Variants in SORCS3 observed in about 807,000 individuals in gnomAD.
The protein encoded by SORCS3 is sortilin related VPS10 domain containing receptor 3, also known as VPS10 domain-containing receptor SorCS3.
In SORCS3, 57 loss-of-function variants were observed where a neutral mutation model predicts 146.3. That is an observed-to-expected ratio of 0.39 (90% CI 0.31 to 0.49). The LOEUF is 0.49. Among genes scored for constraint, SORCS3 ranks in the 20% least tolerant of loss-of-function variants. The pLI, the probability that SORCS3 is intolerant of heterozygous loss-of-function variation, is 0.92. For synonymous variants in SORCS3, 653 were observed against 618.5 expected (o/e 1.06, Z -0.83); for missense variants, 1,341 against 1,575.5 (o/e 0.85, Z 2.52).
intron 2 of SORCS3, among the ~76,000 whole-genome samples, chr10:104,865,452 A>T (rs2018448865): frequency 6.6e-6 from 1 of 152,188 alleles, no homozygotes; most frequent in South Asian, 2.1e-4. Context: ...AATTTTAGGG[A>T]TGAAGAAAGT....
At chr10:105,131,583 G>T (rs2056019270) in intron 7 of SORCS3, among the ~76,000 whole-genome samples, 1 of 152,146 alleles carries the variant, frequency 6.6e-6, no homozygotes. Flanking sequence ...TTGGCCGTGG[G>T]TGCATTAGTC....
At chr10:104,846,079 T>C (rs2018200633) in intron 2 of SORCS3, among the ~76,000 whole-genome samples, 1 of 152,186 alleles carries the variant, frequency 6.6e-6, no homozygotes, top group Non-Finnish European at 1.5e-5. Context: ...TTTTCCGTGT[T>C]GACCAATATC....
intron 5 of SORCS3, among the ~76,000 whole-genome samples, chr10:105,088,304 G>A (rs2055676777): frequency 2.0e-5 from 3 of 152,134 alleles, no homozygotes; most frequent in Admixed American, 2.0e-4. Context: ...AGGATAAAAT[G>A]AGGTAAAGAA....
intron 2 of SORCS3, among the ~76,000 whole-genome samples, chr10:104,849,903 C>A (rs1240365381): frequency 6.6e-6 from 1 of 152,160 alleles, no homozygotes; most frequent in Non-Finnish European, 1.5e-5. Flanking sequence ...ATATTCCTGT[C>A]TTCCCCTTTA....
chr10:104,762,912 G>T (rs567895953), intron 1 of SORCS3, among the ~76,000 whole-genome samples: 1 of 152,070 alleles, frequency 6.6e-6, no homozygotes, highest in African/African-American at 2.4e-5. Flanking sequence ...AATACACCTG[G>T]GAGTCTGTGA....
chr10:105,215,154 T>C (rs2056657576), intron 18 of SORCS3, among the ~76,000 whole-genome samples: 1 of 152,372 alleles, frequency 6.6e-6, no homozygotes, highest in Middle Eastern at 3.4e-3. Flanking sequence ...AGATGCTGTA[T>C]TCTTTCACTT....
At chr10:105,165,453 A>G (rs2056304520) in intron 12 of SORCS3, among the ~76,000 whole-genome samples, 2 of 152,124 alleles carry the variant, frequency 1.3e-5, no homozygotes, top group African/African-American at 4.8e-5. Flanking sequence ...GAAGATTGTC[A>G]TCACCACCAT....
intron 1 of SORCS3, among the ~76,000 whole-genome samples, chr10:104,734,530 G>A (rs1326958691): frequency 2.6e-5 from 4 of 152,232 alleles, no homozygotes; most frequent in Non-Finnish European, 4.4e-5. Context: ...AGTACCAAGA[G>A]CACAGACGAC....
chr10:104,830,345 T>C (rs1186032018), intron 1 of SORCS3, among the ~76,000 whole-genome samples: 1 of 152,158 alleles, frequency 6.6e-6, no homozygotes, highest in Non-Finnish European at 1.5e-5. Flanking sequence ...GCAAGGCTGC[T>C]CAAAGATCGG....
intron 1 of SORCS3, among the ~76,000 whole-genome samples, chr10:104,839,872 A>AG (rs2133544669): frequency 6.6e-6 from 1 of 151,984 alleles, no homozygotes; most frequent in East Asian, 1.9e-4. Context: ...TGGACATCTG[A>AG]CCCCCCGGTG....
chr10:105,196,438 T>C (rs1419399218), intron 14 of SORCS3, among the ~76,000 whole-genome samples: 7 of 152,136 alleles, frequency 4.6e-5, no homozygotes. Flanking sequence ...ACACTGTCTC[T>C]ATTAAAAAAG....
chr10:104,889,430 C>T (rs1589537539), intron 2 of SORCS3, among the ~76,000 whole-genome samples: 1 of 146,418 alleles, frequency 6.8e-6, no homozygotes, highest in Admixed American at 6.8e-5. Flanking sequence ...GTTATTTGTT[C>T]CATTTTCCCT....
At chr10:105,084,295 A>G (rs1232912967) in intron 5 of SORCS3, among the ~76,000 whole-genome samples, 2 of 152,184 alleles carry the variant, frequency 1.3e-5, no homozygotes, top group Non-Finnish European at 2.9e-5. Context: ...ATAAACACCA[A>G]ACACAATGCC....
intron 1 of SORCS3, among the ~76,000 whole-genome samples, chr10:104,684,439 C>A (rs775520360): frequency 6.6e-6 from 1 of 152,178 alleles, no homozygotes; most frequent in Non-Finnish European, 1.5e-5. Flanking sequence ...TTAATTCCTC[C>A]AATTTTTCAA....
At chr10:104,983,514 G>A (rs535359203) in intron 4 of SORCS3, among the ~76,000 whole-genome samples, 4 of 152,144 alleles carry the variant, frequency 2.6e-5, no homozygotes, top group Non-Finnish European at 4.4e-5. Flanking sequence ...TAGAAATTCA[G>A]CCATGGCAGT....
At chr10:105,022,287 T>TTTTTC (rs1449256049) in intron 4 of SORCS3, among the ~76,000 whole-genome samples, 4 of 145,572 alleles carry the variant, frequency 2.7e-5, no homozygotes, top group African/African-American at 1.1e-4. Flanking sequence ...TTTCCATTCA[T>TTTTTC]TTTTCTTTTC....
At chr10:104,994,250 A>G (rs922966877) in intron 4 of SORCS3, among the ~76,000 whole-genome samples, 1 of 152,224 alleles carries the variant, frequency 6.6e-6, no homozygotes, top group Non-Finnish European at 1.5e-5. Flanking sequence ...GCTGTAAAAT[A>G]GAAGCATGGA....
intron 7 of SORCS3, among the ~76,000 whole-genome samples, chr10:105,121,952 G>T (rs1160811053): frequency 6.6e-6 from 1 of 152,078 alleles, no homozygotes; most frequent in Non-Finnish European, 1.5e-5. Flanking sequence ...CTGCCTTTGG[G>T]TTCCATTCCA....
At chr10:105,063,578 C>T (rs73342296) in intron 5 of SORCS3, among the ~76,000 whole-genome samples, 64 of 152,318 alleles carry the variant, frequency 4.2e-4, no homozygotes, top group African/African-American at 1.5e-3. Flanking sequence ...TGATGCCTTT[C>T]GGTCACACCT....
Sources: gnomAD v4.1 joint callset for allele counts (sites outside exome capture counted in the v4.1 genomes callset) on GRCh38, gnomAD v4.1.1 for gene constraint, MANE v1.5 for transcripts, NCBI Gene and HGNC (gene_info 2026-07-23, HGNC 2026-07-21) for gene names.